Variants in NRP1 observed in about 807,000 individuals in gnomAD.
NRP1 encodes the protein neuropilin-1.
In NRP1, 35 loss-of-function variants were observed where a neutral mutation model predicts 106.7. That is an observed-to-expected ratio of 0.33 (90% CI 0.25 to 0.43). The LOEUF is 0.43. Ranked by LOEUF, NRP1 falls within the 20% of genes least tolerant of loss-of-function variation. NRP1 has a pLI of 1.00. For missense variants in NRP1, 1,024 were observed against 1,170.4 expected (o/e 0.87, Z 1.83); for synonymous variants, 437 against 417.9 (o/e 1.05, Z -0.56).
chr10:33,204,256 T>G (rs1564378090), intron 10 of NRP1, among the ~76,000 whole-genome samples: 2 of 152,086 alleles, frequency 1.3e-5, no homozygotes, highest in African/African-American at 4.8e-5. Context: ...TGAATGGTGC[T>G]GAAACACCAA....
intron 2 of NRP1, among the ~76,000 whole-genome samples, chr10:33,323,906 G>A (rs930754796): frequency 2.0e-5 from 3 of 152,140 alleles, no homozygotes; most frequent in East Asian, 1.9e-4. Context: ...GTGCATGCCC[G>A]CTGAAGGCAT....
rs899197034 is a variant in NRP1 at position 33,282,750 on chromosome 10, C to CT, written c.249-11895dup. ...AAAAGAAAGGTTGAGCTGAACTTTT[C>CT]TTTTTTTTTTTTGAAGGCAGAGTCT... On this transcript the variant is annotated intron_variant, in intron 2 of 16. Coordinates refer to ENST00000374867, the MANE Select transcript of NRP1 (RefSeq NM_003873.7). 1.5e-3 allele frequency among the ~76,000 whole-genome samples: 212 copies of CT among 145,268 alleles called. 2 individuals carry two copies. Among genetic ancestry groups the CT allele is most frequent in the East Asian group, 4.4e-3 (22 of 5,022 alleles).
chr10:33,199,140 C>T (rs1837022330), intron 11 of NRP1, among the ~76,000 whole-genome samples: 1 of 151,894 alleles, frequency 6.6e-6, no homozygotes, highest in Non-Finnish European at 1.5e-5. Context: ...ATTGCAGTCT[C>T]CCATCCACCT....
chr10:33,259,784 G>C (rs1052291016), intron 4 of NRP1, among the ~76,000 whole-genome samples: 1 of 152,132 alleles, frequency 6.6e-6, no homozygotes, highest in South Asian at 2.1e-4. Context: ...AGAATCAGAT[G>C]ATTTGGCTTT....
chr10:33,202,031 T>G (rs1437272748), intron 11 of NRP1: 1 of 152,230 alleles, frequency 6.6e-6, no homozygotes, highest in Admixed American at 6.5e-5. Context: ...CCGAGTCCCT[T>G]CTGGGTAAAA....
At chr10:33,321,199 C>T (rs1847480407) in intron 2 of NRP1, among the ~76,000 whole-genome samples, 1 of 152,124 alleles carries the variant, frequency 6.6e-6, no homozygotes, top group Non-Finnish European at 1.5e-5. Context: ...ATTGGCCAGG[C>T]TGGTCTCGAA....
chr10:33,298,451 C>T lies in NRP1; in HGVS notation c.249-27595G>A, dbSNP rs183621945. Among the ~76,000 whole-genome samples, 1,435 of 152,278 alleles carry T rather than the reference C, an allele frequency of 9.4e-3. 13 individuals carry two copies. The highest frequency in any genetic ancestry group is 0.015 in the Non-Finnish European group (1,019 of 68,012). ...GAAGACGATGGGCCCATTTAATGTT[C>T]TAACCATATAGAGTGCCTGAATTCC... On this transcript the variant is annotated intron_variant, in intron 2 of 16. Coordinates refer to ENST00000374867, the MANE Select transcript of NRP1 (RefSeq NM_003873.7).
At chr10:33,186,833 A>G (rs1588684168) in intron 13 of NRP1, among the ~76,000 whole-genome samples, 1 of 31,046 alleles carries the variant, frequency 3.2e-5, no homozygotes, top group Non-Finnish European at 5.6e-5. Context: ...GACTGGACTG[A>G]AAACTCCTGG....
intron 2 of NRP1, among the ~76,000 whole-genome samples, chr10:33,293,578 G>A (rs1285735087): frequency 6.6e-6 from 1 of 152,114 alleles, no homozygotes; most frequent in Non-Finnish European, 1.5e-5. Context: ...AAGGTCACAC[G>A]ACCAACCGTC....
chr10:33,301,442 G>A (rs1845793836), intron 2 of NRP1, among the ~76,000 whole-genome samples: 1 of 152,200 alleles, frequency 6.6e-6, no homozygotes, highest in African/African-American at 2.4e-5. Context: ...CAGGGTGGAA[G>A]TCAAGGAGGC....
intron 5 of NRP1, 64 bp from the exon 6 acceptor site, chr10:33,254,258 T>G: frequency 7.1e-7 from 1 of 1,408,236 alleles, no homozygotes; most frequent in Non-Finnish European, 9.6e-7. Context: ...ATTTTTCTTT[T>G]TTAACTTGAT....
chr10:33,213,894 T>G (rs550468543), intron 8 of NRP1, 177 bp from the exon 9 acceptor site: 25 of 589,418 alleles, frequency 4.2e-5, no homozygotes, highest in African/African-American at 3.7e-4. Flanking sequence ...TCCTGCTCTG[T>G]CAGAATTCCC....
rs970301784 is a variant in NRP1, at chr10:33,203,012, G to A, written c.1760-17C>T. On this transcript the variant is annotated splice_polypyrimidine_tract_variant and intron_variant, in intron 10 of 16. Transcript: ENST00000374867. Reference sequence around the variant, plus strand: ...CTGTAGGGGCTGAAACAAGATCCAAGGATTATTATCTCACACCTTGGAAAT... The same window carrying A: ...CTGTAGGGGCTGAAACAAGATCCAAAGATTATTATCTCACACCTTGGAAAT... 1.9e-6 allele frequency: 3 copies of A among 1,601,666 alleles called. No homozygotes were observed. Among genetic ancestry groups the A allele is most frequent in the East Asian group, 2.2e-5 (1 of 44,818 alleles).
chr10:33,319,190 A>G (rs1407923015), intron 2 of NRP1, among the ~76,000 whole-genome samples: 8 of 151,354 alleles, frequency 5.3e-5, no homozygotes, highest in Non-Finnish European at 1.2e-4. Context: ...TATTTTTAGT[A>G]GAGACGGGGG....
chr10:33,249,111 CTCCTGGCATTTTAA>C (rs1841656268), intron 6 of NRP1, among the ~76,000 whole-genome samples: 1 of 49,320 alleles, frequency 2.0e-5, no homozygotes, highest in South Asian at 6.1e-4. Flanking sequence ...TTTTTTTTGT[CTCCTGGCATTTTAA>C]TCAGAGAAAA....
intron 2 of NRP1, among the ~76,000 whole-genome samples, chr10:33,293,064 C>A (rs1845117534): frequency 1.3e-5 from 2 of 152,002 alleles, no homozygotes. Flanking sequence ...TAACCCCTAC[C>A]TTCAAGAAAA....
chr10:33,311,679 T>G (rs1846616319), intron 2 of NRP1, among the ~76,000 whole-genome samples: 1 of 152,184 alleles, frequency 6.6e-6, no homozygotes, highest in Admixed American at 6.5e-5. Context: ...CAAGAAACAA[T>G]GCTTGGGAAA....
At position 33,226,260 on chromosome 10, in the gene NRP1, C is replaced by A. The variant is rs145116269; in HGVS notation, c.1011G>T (p.Thr337=). The A allele has an allele frequency of 6.2e-6, 10 of 1,613,978 alleles. No individual in the cohort carries two copies. Among genetic ancestry groups the A allele is most frequent in the Non-Finnish European group, 7.6e-6 (9 of 1,179,996 alleles). Residue 337 remains threonine, a synonymous_variant, in exon 7 of 17, where the codon ACG becomes ACT. Coordinates refer to ENST00000374867, the MANE Select transcript of NRP1 (RefSeq NM_003873.7). The stretch of plus-strand genomic sequence containing the variant: ...AAATGGCGCCCTGTGTCCCGACAGC[C>A]GTGACAAAGCGCAGAAGGCCCAAGT... ...QVDLGLLRFV[T]AVGTQGAISK...
At chr10:33,324,964 T>A (rs1442262927) in intron 2 of NRP1, among the ~76,000 whole-genome samples, 1 of 152,140 alleles carries the variant, frequency 6.6e-6, no homozygotes, top group African/African-American at 2.4e-5. Context: ...CTAGTTGAGT[T>A]TTACCTGATT....
Sources: allele counts gnomAD v4.1 joint callset (sites outside exome capture counted in the v4.1 genomes callset), GRCh38; gene constraint gnomAD v4.1.1; transcripts MANE v1.5; gene names NCBI Gene and HGNC (gene_info 2026-07-23, HGNC 2026-07-21).